Variants in ELMO1 observed in about 807,000 individuals in gnomAD.
ELMO1 encodes the protein engulfment and cell motility protein 1.
A neutral mutation model predicts 98.9 loss-of-function variants in ELMO1; 26 were observed. That is an observed-to-expected ratio of 0.26 (90% CI 0.19 to 0.36). The LOEUF (loss-of-function observed/expected upper bound fraction) is 0.36. ELMO1 is among the 10% of genes least tolerant of loss of function. The pLI is 1.00. For missense variants in ELMO1, 627 were observed against 935.2 expected (o/e 0.67, Z 4.30); for synonymous variants, 346 against 346.0 (o/e 1.00, Z 0.00).
At chr7:37,090,852 C>T (rs886578792) in intron 15 of ELMO1, among the ~76,000 whole-genome samples, 3 of 152,188 alleles carry the variant, frequency 2.0e-5, no homozygotes, top group African/African-American at 7.2e-5. Context: ...GAAGGACCCT[C>T]CAGTTAGTGT....
chr7:37,227,386 TTTTA>T (rs1793928795), intron 8 of ELMO1, among the ~76,000 whole-genome samples: 1 of 152,160 alleles, frequency 6.6e-6, no homozygotes, highest in Non-Finnish European at 1.5e-5. Flanking sequence ...TTTTCTTCTT[TTTTA>T]TTTTTTATTT....
chr7:37,447,613 A>G (rs1805677540), intron 1 of ELMO1, among the ~76,000 whole-genome samples: 1 of 149,880 alleles, frequency 6.7e-6, no homozygotes. Context: ...ACACACACAC[A>G]CCGACTCACA....
chr7:37,325,686 G>GATTTTACTTTGGA (rs1241926253), intron 2 of ELMO1, among the ~76,000 whole-genome samples: 3 of 152,160 alleles, frequency 2.0e-5, no homozygotes, highest in Non-Finnish European at 2.9e-5. Flanking sequence ...CAGCACTTGG[G>GATTTTACTTTGGA]ATTTTACTTT....
chr7:37,425,312 A>C (rs1410693418), intron 1 of ELMO1, among the ~76,000 whole-genome samples: 1 of 152,218 alleles, frequency 6.6e-6, no homozygotes, highest in South Asian at 2.1e-4. Flanking sequence ...TTATAAGGGC[A>C]CTAATGCCAG....
chr7:37,002,177 C>CT (rs1792720660), intron 16 of ELMO1: 1 of 152,176 alleles, frequency 6.6e-6, no homozygotes, highest in Admixed American at 6.5e-5. Context: ...GCAGTGGCTA[C>CT]CAAGGTATGT....
At chr7:37,129,135 T>C (rs922933410) in intron 14 of ELMO1, among the ~76,000 whole-genome samples, 4 of 151,894 alleles carry the variant, frequency 2.6e-5, no homozygotes, top group Non-Finnish European at 5.9e-5. Flanking sequence ...ATCATTTATA[T>C]AGACAAAGGC....
intron 19 of ELMO1, among the ~76,000 whole-genome samples, chr7:36,875,489 T>C (rs1413096499): frequency 6.6e-6 from 1 of 152,224 alleles, no homozygotes; most frequent in Non-Finnish European, 1.5e-5. Flanking sequence ...GCAATGGATA[T>C]ACTGTTTTTG....
intron 5 of ELMO1, among the ~76,000 whole-genome samples, chr7:37,268,927 A>AGT (rs767901574): frequency 2.0e-5 from 3 of 152,144 alleles, no homozygotes; most frequent in Admixed American, 6.5e-5. Flanking sequence ...TAAAAACAGC[A>AGT]GTGTGTGTGT....
Position 37,186,798 on chromosome 7 carries a change from C to G in ELMO1, c.1086+24588G>C, listed in dbSNP as rs76828237. Among the ~76,000 whole-genome samples the G allele has an allele frequency of 2.5e-3, 375 of 152,254 alleles. 1 individual carries two copies. The highest frequency in any genetic ancestry group is 8.8e-3 in the African/African-American group (365 of 41,566). ...CCATTCCCTCCCATCAGCAAAAAGT[C>G]AGATAATAACAAGTGTTGATGAGGA... On this transcript the variant is annotated intron_variant, in intron 13 of 21. Transcript: ENST00000310758.
intron 4 of ELMO1, among the ~76,000 whole-genome samples, chr7:37,272,249 C>T (rs1796600848): frequency 6.6e-6 from 1 of 152,202 alleles, no homozygotes; most frequent in East Asian, 1.9e-4. Flanking sequence ...AATTTGTGCA[C>T]TAATGTTCAC....
At chr7:37,073,680 C>A (rs1210340488) in intron 15 of ELMO1, among the ~76,000 whole-genome samples, 3 of 151,598 alleles carry the variant, frequency 2.0e-5, no homozygotes, top group Non-Finnish European at 4.4e-5. Flanking sequence ...ACGAACATAT[C>A]ATAGTTCACT....
In ELMO1 at chr7:36,931,338, G is replaced by A. The variant is rs185162537; in HGVS notation, c.1438-36321C>T. ...TTTCAGGCCAGGCATGGTGGCTCAC[G>A]CCTGTAATCCCAGCACTTTGGGAAG... On this transcript the variant is annotated intron_variant, in intron 16 of 21. Coordinates refer to ENST00000310758, the MANE Select transcript of ELMO1 (RefSeq NM_014800.11). 1.9e-3 allele frequency among the ~76,000 whole-genome samples: 292 copies of A among 152,262 alleles called. 2 individuals carry two copies. Among genetic ancestry groups the A allele is most frequent in the Middle Eastern group, 3.4e-3 (1 of 294 alleles).
At chr7:37,026,480 A>G (rs1304917709) in intron 15 of ELMO1, among the ~76,000 whole-genome samples, 2 of 152,132 alleles carry the variant, frequency 1.3e-5, no homozygotes, top group African/African-American at 2.4e-5. Flanking sequence ...CTCCCCTTCA[A>G]AAGTCATTAC....
At position 37,401,207 on chromosome 7, in the gene ELMO1, G is replaced by T. The variant is rs566443598; in HGVS notation, c.-74+47468C>A. Among the ~76,000 whole-genome samples the T allele has an allele frequency of 4.3e-4, 65 of 152,172 alleles. 2 individuals are homozygous for T. The South Asian group carries it at 0.013, about 32-fold the overall frequency. On this transcript the variant is annotated intron_variant, in intron 1 of 21. Coordinates refer to ENST00000310758, the MANE Select transcript of ELMO1 (RefSeq NM_014800.11). ...GCCTACACTCATGTCAGAAATATGG[G>T]GCTCCATAAAACACAGTTTGAAAGT...
rs144037919 is a variant in ELMO1 at position 37,014,286 on chromosome 7, A to G, written c.1301-851T>C. Among the ~76,000 whole-genome samples the G allele has an allele frequency of 2.0e-5, 3 of 152,186 alleles. No individual in the cohort carries two copies. In the East Asian group the frequency reaches 5.8e-4, roughly 29 times the overall value. On this transcript the variant is annotated intron_variant, in intron 15 of 21. Transcript: ENST00000310758. ...CTTTACAGTTCCTCTTACCACTCGT[A>G]TCTTATGGATGAGGATACTGTGGAG...
At chr7:36,896,973 T>C (rs1258547326) in intron 16 of ELMO1, among the ~76,000 whole-genome samples, 2 of 152,168 alleles carry the variant, frequency 1.3e-5, no homozygotes, top group African/African-American at 4.8e-5. Flanking sequence ...AAAATGAAGA[T>C]ATGATTTTTA....
chr7:37,047,498 C>T (rs1795862720), intron 15 of ELMO1, among the ~76,000 whole-genome samples: 1 of 152,250 alleles, frequency 6.6e-6, no homozygotes. Flanking sequence ...AGGGCAGGTT[C>T]AGCTACTCCA....
At chr7:37,404,419 T>C (rs1431043719) in intron 1 of ELMO1, among the ~76,000 whole-genome samples, 1 of 152,218 alleles carries the variant, frequency 6.6e-6, no homozygotes, top group African/African-American at 2.4e-5. Flanking sequence ...CTCCCCGCCA[T>C]TGGCACAGCT....
chr7:36,953,201 C>T (rs984046522), intron 16 of ELMO1, among the ~76,000 whole-genome samples: 2 of 151,940 alleles, frequency 1.3e-5, no homozygotes, highest in South Asian at 2.1e-4. Flanking sequence ...CTCCTGACAT[C>T]GTGGATCCAC....
Sources: allele counts gnomAD v4.1 joint callset (sites outside exome capture counted in the v4.1 genomes callset), GRCh38; gene constraint gnomAD v4.1.1; transcripts MANE v1.5; gene names NCBI Gene and HGNC (gene_info 2026-07-23, HGNC 2026-07-21).